Variants in DOCK2 observed in about 807,000 individuals in gnomAD.
DOCK2 encodes dedicator of cytokinesis protein 2.
A neutral mutation model predicts 248.9 loss-of-function variants in DOCK2; 87 were observed. The observed-to-expected ratio is 0.35, with a 90% confidence interval of 0.29 to 0.42. The LOEUF (loss-of-function observed/expected upper bound fraction) is 0.42. Ranked by LOEUF, DOCK2 falls within the 10% of genes least tolerant of loss-of-function variation. DOCK2 has a pLI of 1.00. For missense variants in DOCK2, 1,747 were observed against 2,300.2 expected (o/e 0.76, Z 4.92); for synonymous variants, 805 against 821.6 (o/e 0.98, Z 0.35).
intron 27 of DOCK2, among the ~76,000 whole-genome samples, chr5:169,953,131 G>A (rs1461793978): frequency 2.0e-5 from 3 of 152,156 alleles, no homozygotes; most frequent in East Asian, 1.9e-4. Context: ...AGACCAGCCT[G>A]GCCAACATGG....
chr5:169,772,423 G>A (rs17071685), intron 25 of DOCK2, among the ~76,000 whole-genome samples: 4,050 of 152,306 alleles, frequency 0.027, 78 homozygotes, highest in Non-Finnish European at 0.039. Flanking sequence ...ACTGAACTGG[G>A]AGTGAGGAGA....
chr5:169,939,043 A>G (rs1776117836), intron 27 of DOCK2, among the ~76,000 whole-genome samples: 2 of 151,694 alleles, frequency 1.3e-5, no homozygotes, highest in African/African-American at 2.4e-5. Context: ...AGCTGGGACT[A>G]CAGGCATGCA....
chr5:169,722,905 C>T (rs931749436), intron 22 of DOCK2, among the ~76,000 whole-genome samples: 1 of 152,184 alleles, frequency 6.6e-6, no homozygotes, highest in Non-Finnish European at 1.5e-5. Context: ...TACCAGGTGT[C>T]TGTGCTTTTT....
chr5:170,050,825 G>A (rs1756888169), intron 41 of DOCK2, among the ~76,000 whole-genome samples: 2 of 152,116 alleles, frequency 1.3e-5, no homozygotes, highest in Non-Finnish European at 1.5e-5. Flanking sequence ...AATGTTGCAT[G>A]CATTGATTAA....
intron 20 of DOCK2, 111 bp from the exon 21 acceptor site, chr5:169,717,273 T>G: frequency 7.3e-6 from 6 of 818,416 alleles, no homozygotes; most frequent in Non-Finnish European, 1.2e-5. Context: ...TATGTATTAG[T>G]GAGCTAATTC....
chr5:169,883,650 G>A lies in DOCK2; in HGVS notation c.2799+42798G>A, dbSNP rs1772799671. The A allele has an allele frequency of 5.8e-6, 9 of 1,551,276 alleles. No homozygotes were observed. The East Asian group carries it at 2.0e-4, about 34-fold the overall frequency. ...AGCCCCCTGCCTTCTGGGACCTGGGGAAGGAGAGCGAGTAGGTGGGGGGAA... is the reference window on the plus strand; with the variant it reads ...AGCCCCCTGCCTTCTGGGACCTGGGAAAGGAGAGCGAGTAGGTGGGGGGAA... On this transcript the variant is annotated intron_variant, in intron 27 of 51. Coordinates refer to ENST00000520908, the MANE Select transcript of DOCK2 (RefSeq NM_004946.3).
chr5:169,701,229 C>T (rs921296050), intron 13 of DOCK2, among the ~76,000 whole-genome samples: 3 of 152,156 alleles, frequency 2.0e-5, no homozygotes, highest in South Asian at 2.1e-4. Flanking sequence ...GAAGCATTGC[C>T]CGATTCTAGA....
chr5:170,078,905 T>A (rs950027220), intron 48 of DOCK2, 70 bp from the exon 49 acceptor site: 5 of 1,574,220 alleles, frequency 3.2e-6, no homozygotes, highest in African/African-American at 2.7e-5. Context: ...TTCAGCTTCC[T>A]GGGTCCTTGC....
chr5:169,823,465 T>C (rs947517942), intron 26 of DOCK2, among the ~76,000 whole-genome samples: 3 of 152,140 alleles, frequency 2.0e-5, no homozygotes, highest in Non-Finnish European at 2.9e-5. Flanking sequence ...GCTGGTTCAA[T>C]ATACGCAAGT....
At chr5:170,061,973 T>C (rs964316400) in intron 44 of DOCK2, among the ~76,000 whole-genome samples, 4 of 152,230 alleles carry the variant, frequency 2.6e-5, no homozygotes, top group African/African-American at 9.6e-5. Context: ...GCAGCCAAGC[T>C]GGACATTGTT....
intron 14 of DOCK2, among the ~76,000 whole-genome samples, chr5:169,706,767 G>A (rs561998560): frequency 1.3e-5 from 2 of 152,288 alleles, no homozygotes; most frequent in African/African-American, 4.8e-5. Flanking sequence ...CAAATGGATC[G>A]ATTTGGCTGC....
chr5:169,914,957 G>A (rs553138647), intron 27 of DOCK2, among the ~76,000 whole-genome samples: 1 of 152,302 alleles, frequency 6.6e-6, no homozygotes, highest in South Asian at 2.1e-4. Context: ...CCCAGAGCTG[G>A]CAGCCAGACA....
intron 1 of DOCK2, among the ~76,000 whole-genome samples, chr5:169,641,201 A>G (rs1757130054): frequency 6.6e-6 from 1 of 152,220 alleles, no homozygotes; most frequent in Non-Finnish European, 1.5e-5. Context: ...TTACCTCTGT[A>G]AAGACTGTCT....
At chr5:169,953,351 G>C (rs1307080818) in intron 27 of DOCK2, among the ~76,000 whole-genome samples, 2 of 148,540 alleles carry the variant, frequency 1.3e-5, no homozygotes, top group South Asian at 2.2e-4. Flanking sequence ...AAAAAAAAGA[G>C]AGAGAGAGAG....
chr5:169,979,741 G>T (rs1038031294), intron 27 of DOCK2, among the ~76,000 whole-genome samples: 2 of 152,154 alleles, frequency 1.3e-5, no homozygotes, highest in African/African-American at 2.4e-5. Flanking sequence ...CAAAAGGCAC[G>T]CAACCGGGTT....
At chr5:169,804,479 T>C (rs1293507897) in intron 26 of DOCK2, among the ~76,000 whole-genome samples, 42 of 70,622 alleles carry the variant, frequency 5.9e-4, no homozygotes, top group African/African-American at 1.5e-3. Context: ...TGTGTGTGTG[T>C]GTGTGTGCGC....
In DOCK2 at chr5:170,073,989, A is replaced by ATG. The variant is rs1757761182; in HGVS notation, c.4729-1958_4729-1957insTG. Among the ~76,000 whole-genome samples, 11 of 152,012 alleles carry ATG rather than the reference A, an allele frequency of 7.2e-5. No homozygotes were observed. In the South Asian group the frequency reaches 2.1e-3, roughly 29 times the overall value. On this transcript the variant is annotated intron_variant, in intron 46 of 51. Transcript: ENST00000520908. Reference sequence around the variant, plus strand: ...TCATTCCTTTTCTCCCTTTGAATTTAGTTCGCTGTTCTTTTACTAATATCT... The same window carrying ATG: ...TCATTCCTTTTCTCCCTTTGAATTTATGGTTCGCTGTTCTTTTACTAATATCT...
intron 27 of DOCK2, among the ~76,000 whole-genome samples, chr5:169,918,237 G>A (rs1774980992): frequency 1.3e-5 from 2 of 152,290 alleles, no homozygotes; most frequent in African/African-American, 4.8e-5. Context: ...GTCTAGGACA[G>A]TCCCAGTTTA....
intron 26 of DOCK2, among the ~76,000 whole-genome samples, chr5:169,811,400 G>C (rs770843635): frequency 6.6e-6 from 1 of 152,292 alleles, no homozygotes; most frequent in South Asian, 2.1e-4. Context: ...TAACCTATCT[G>C]CTCCCTCATA....
Sources: gnomAD v4.1 joint callset for allele counts (sites outside exome capture counted in the v4.1 genomes callset) on GRCh38, gnomAD v4.1.1 for gene constraint, MANE v1.5 for transcripts, NCBI Gene and HGNC (gene_info 2026-07-23, HGNC 2026-07-21) for gene names.